OR5A2: variants seen among roughly 807,000 people sequenced by gnomAD.
OR5A2 encodes the protein olfactory receptor 5A2.
For synonymous variants in OR5A2, 155 were observed against 151.1 expected (o/e 1.03, Z -0.19); for missense variants, 406 against 398.9 (o/e 1.02, Z -0.15).
Position 59,418,169 on chromosome 11 carries a change from T to A in OR5A2, c.*3810A>T, listed in dbSNP as rs1858179566. The A allele has an allele frequency of 6.6e-6, 1 of 152,130 alleles. No individual in the cohort carries two copies. The highest frequency in any genetic ancestry group is 2.4e-5 in the African/African-American group (1 of 41,452). 9.4% of individuals were successfully genotyped at this position (152,130 alleles called of 1,614,324 possible). A position where few individuals can be genotyped will look rare whatever the true frequency, so the allele number is the denominator to read the frequency against. On this transcript the variant is annotated 3_prime_UTR_variant, in exon 2 of 2. Transcript: ENST00000302040. ...CCCTTGCCCAGGGCCTCAGCCGATC[T>A]GGACCCTCTAGCTGGGTGTATCAGG... is the stretch of plus-strand genomic sequence containing the variant.
intron 1 of OR5A2, chr11:59,424,381 T>C (rs1858269097): frequency 6.6e-6 from 1 of 152,346 alleles, no homozygotes; most frequent in East Asian, 1.9e-4. Context: ...CACTCCAACC[T>C]GGTGACCGAG....
At position 59,416,972 on chromosome 11, in the gene OR5A2, T is replaced by C. The variant is rs1288712671; in HGVS notation, c.*5007A>G. On this transcript the variant is annotated 3_prime_UTR_variant, in exon 2 of 2. Coordinates refer to ENST00000302040, the MANE Select transcript of OR5A2 (RefSeq NM_001001954.2). ...TTCTTAAGATCAAAGCAACCCAGCC[T>C]CTTTTTGCATAAGAAAGATGTTTTA... 6.6e-6 allele frequency: 1 copy of C among 152,114 alleles called. No homozygotes were observed. Among genetic ancestry groups the C allele is most frequent in the East Asian group, 1.9e-4 (1 of 5,168 alleles). 9.4% of individuals were successfully genotyped at this position (152,114 alleles called of 1,614,324 possible).
At chr11:59,425,909 A>G (rs1209102953) in intron 1 of OR5A2, 2 of 152,352 alleles carry the variant, frequency 1.3e-5, no homozygotes, top group African/African-American at 2.4e-5. Flanking sequence ...AACAAAACAC[A>G]TAATATATAA....
rs770811588 is a variant in OR5A2 at position 59,421,616 on chromosome 11, TC to T, written c.*362del. 45 of 174,564 alleles carry T rather than the reference TC, an allele frequency of 2.6e-4. No individual in the cohort carries two copies. The highest frequency in any genetic ancestry group is 7.2e-4 in the Admixed American group (13 of 18,168). The allele number at this position is 174,564 out of a possible 1,614,324, so 10.8% of individuals were successfully genotyped here. ...GCAACTGTGTTTAGAAAAAACATCA[TC>T]CTCTTCAGGTCATTATACCATGTTG... On this transcript the variant is annotated 3_prime_UTR_variant, in exon 2 of 2. Coordinates refer to ENST00000302040, the MANE Select transcript of OR5A2 (RefSeq NM_001001954.2).
rs925238646 is a variant in OR5A2, at chr11:59,417,605, C to CTGTA, written c.*4373_*4374insTACA. 5 of 152,064 alleles carry CTGTA rather than the reference C, an allele frequency of 3.3e-5. No homozygotes were observed. Among genetic ancestry groups the CTGTA allele is most frequent in the African/African-American group, 1.2e-4 (5 of 41,438 alleles). 9.4% of individuals were successfully genotyped at this position (152,064 alleles called of 1,614,324 possible). On this transcript the variant is annotated 3_prime_UTR_variant, in exon 2 of 2. Coordinates refer to ENST00000302040, the MANE Select transcript of OR5A2 (RefSeq NM_001001954.2). ...CGTGCTGGCATACATGGCGTATCACCTTACATGCAAGATAGTCAGGTTGCC... is the reference window on the plus strand; with the variant it reads ...CGTGCTGGCATACATGGCGTATCACCTGTATTACATGCAAGATAGTCAGGTTGCC...
Position 59,422,427 on chromosome 11 carries a change from T to C in OR5A2, c.527A>G (p.Asn176Ser). 6.2e-7 allele frequency: 1 copy of C among 1,614,070 alleles called. No individual in the cohort carries two copies. The highest frequency in any genetic ancestry group is 8.5e-7 in the Non-Finnish European group (1 of 1,179,976). The change falls in exon 2 of 2, where the codon AAC becomes AGC. Residue 176 changes from asparagine to serine, a missense_variant. By Grantham distance (46) the Asn-to-Ser change is conservative. Coordinates refer to ENST00000302040, the MANE Select transcript of OR5A2 (RefSeq NM_001001954.2). ...QHDFCGPYMI[N>S]HFFCDLPPVL... ...TGGAGGGAGGTCACAGAAAAAGTGGTTGATCATATAGGGCCCACAGAAATC... is the reference window on the plus strand; with the variant it reads ...TGGAGGGAGGTCACAGAAAAAGTGGCTGATCATATAGGGCCCACAGAAATC...
rs749103414 is a variant in OR5A2 at position 59,422,620 on chromosome 11, C to T, written c.334G>A (p.Glu112Lys). 3 of 1,614,162 alleles carry T rather than the reference C, an allele frequency of 1.9e-6. No homozygotes were observed. The highest frequency in any genetic ancestry group is 2.5e-6 in the Non-Finnish European group (3 of 1,180,018). The stretch of plus-strand genomic sequence containing the variant: ...GCCATAGCTGCCAGGAGAAAGCATT[C>T]AGTCAGCCCCATCCCACAGAAGACA... ...YFVFCGMGLTECFLLAAMAYD... is the reference protein window; with the variant it reads ...YFVFCGMGLTKCFLLAAMAYD... The change falls in exon 2 of 2, where the codon GAA (glutamate) becomes AAA (lysine). Residue 112 changes from glutamate to lysine, a missense_variant. Transcript: ENST00000302040.
At chr11:59,424,495 G>A (rs901193872) in intron 1 of OR5A2, 6 of 152,260 alleles carry the variant, frequency 3.9e-5, no homozygotes, top group African/African-American at 1.4e-4. Flanking sequence ...GCTGAGGTGA[G>A]GGGGATCACT....
Position 59,420,243 on chromosome 11 carries a change from CA to C in OR5A2, c.*1735del, listed in dbSNP as rs1858206095. The C allele has an allele frequency of 6.6e-6, 1 of 152,050 alleles. No homozygotes were observed. Among genetic ancestry groups the C allele is most frequent in the Non-Finnish European group, 1.5e-5 (1 of 68,002 alleles). 9.4% of individuals were successfully genotyped at this position (152,050 alleles called of 1,614,324 possible). ...TAACTTGGATCAGGCTATGTACCTA[CA>C]AAATGGCAGAGATGAAATTAATAAT... On this transcript the variant is annotated 3_prime_UTR_variant, in exon 2 of 2. Coordinates refer to ENST00000302040, the MANE Select transcript of OR5A2 (RefSeq NM_001001954.2).
rs1474614125 is a variant in OR5A2, at chr11:59,418,644, C to T, written c.*3335G>A. 1 of 152,046 alleles carries T rather than the reference C, an allele frequency of 6.6e-6. No individual in the cohort carries two copies. Among genetic ancestry groups the T allele is most frequent in the Non-Finnish European group, 1.5e-5 (1 of 68,002 alleles). 9.4% of individuals were successfully genotyped at this position (152,046 alleles called of 1,614,324 possible). The stretch of plus-strand genomic sequence containing the variant: ...TGTTTAGGAAATATTTAACATGTGG[C>T]TTACTGTATACCCCCAAACATTCAA... On this transcript the variant is annotated 3_prime_UTR_variant, in exon 2 of 2. Coordinates refer to ENST00000302040, the MANE Select transcript of OR5A2 (RefSeq NM_001001954.2).
Position 59,417,233 on chromosome 11 carries a change from G to C in OR5A2, c.*4746C>G, listed in dbSNP as rs1363370608. 1 of 152,006 alleles carries C rather than the reference G, an allele frequency of 6.6e-6. No homozygotes were observed. Among genetic ancestry groups the C allele is most frequent in the Non-Finnish European group, 1.5e-5 (1 of 67,974 alleles). 9.4% of individuals were successfully genotyped at this position (152,006 alleles called of 1,614,324 possible). A position where few individuals can be genotyped will look rare whatever the true frequency, so the allele number is the denominator to read the frequency against. On this transcript the variant is annotated 3_prime_UTR_variant, in exon 2 of 2. Transcript: ENST00000302040. ...AGTGTGCGGTTAGTCTCTTCAACTA[G>C]ATACTGCCAGCCATTTGGTCTGGCA...
rs749849431 is a variant in OR5A2, at chr11:59,422,864, C to T, written c.90G>A (p.Met30Ile). The T allele has an allele frequency of 6.8e-6, 11 of 1,614,120 alleles. No homozygotes were observed. In the South Asian group the frequency reaches 1.1e-4, roughly 16 times the overall value. ...TCAGGAGGTAGAGCCCCAGAAATAACATGAAAAGGAAAATCTTCATTTGAG... is the reference window on the plus strand; with the variant it reads ...TCAGGAGGTAGAGCCCCAGAAATAATATGAAAAGGAAAATCTTCATTTGAG... ...DHPQMKIFLF[M>I]LFLGLYLLTL... is the part of the protein sequence containing the mutation. Residue 30 changes from methionine (M) to isoleucine (I), a missense_variant, in exon 2 of 2, where the codon ATG becomes ATA. Physicochemically the swap from Met to Ile is conservative, Grantham distance 10 (BLOSUM62 1). Coordinates refer to ENST00000302040, the MANE Select transcript of OR5A2 (RefSeq NM_001001954.2).
Position 59,422,444 on chromosome 11 carries a change from A to C in OR5A2, c.510T>G (p.Cys170Trp). 1 of 1,614,222 alleles carries C rather than the reference A, an allele frequency of 6.2e-7. No individual in the cohort carries two copies. The highest frequency in any genetic ancestry group is 1.7e-5 in the Admixed American group (1 of 60,028). The change falls in exon 2 of 2, where the codon TGT becomes TGG. Residue 170 changes from cysteine (C) to tryptophan (W), a missense_variant. By Grantham distance (215) the Cys-to-Trp change is radical. Transcript: ENST00000302040. ...AAAAGTGGTTGATCATATAGGGCCCACAGAAATCATGCTGATAGACAGAGT... is the reference window on the plus strand; with the variant it reads ...AAAAGTGGTTGATCATATAGGGCCCCCAGAAATCATGCTGATAGACAGAGT... ...ETYSVYQHDFCGPYMINHFFC... is the reference protein window; with the variant it reads ...ETYSVYQHDFWGPYMINHFFC...
Position 59,418,453 on chromosome 11 carries a change from T to A in OR5A2, c.*3526A>T, listed in dbSNP as rs1858183447. 6.6e-6 allele frequency: 1 copy of A among 152,120 alleles called. No individual in the cohort carries two copies. Among genetic ancestry groups the A allele is most frequent in the Non-Finnish European group, 1.5e-5 (1 of 68,006 alleles). 9.4% of individuals were successfully genotyped at this position (152,120 alleles called of 1,614,324 possible). ...GCAAACATGAGTGCCACACCCTAGA[T>A]GATGGTAATTTTACTAAAGTGAATT... is the stretch of plus-strand genomic sequence containing the variant. On this transcript the variant is annotated 3_prime_UTR_variant, in exon 2 of 2. Transcript: ENST00000302040.
Position 59,426,402 on chromosome 11 carries a change from G to A in OR5A2, c.-323C>T, listed in dbSNP as rs1363287662. ...AAGTCTTCCAAATAAATGGGCTGTG[G>A]GAGTTCATTATTTTAATGGGCAGAG... is the stretch of plus-strand genomic sequence containing the variant. On this transcript the variant is annotated 5_prime_UTR_variant, in exon 1 of 2. Coordinates refer to ENST00000302040, the MANE Select transcript of OR5A2 (RefSeq NM_001001954.2). 1 of 152,174 alleles carries A rather than the reference G, an allele frequency of 6.6e-6. No homozygotes were observed. The highest frequency in any genetic ancestry group is 1.5e-5 in the Non-Finnish European group (1 of 68,042). The allele number at this position is 152,174 out of a possible 1,614,324, so 9.4% of individuals were successfully genotyped here. A position where few individuals can be genotyped will look rare whatever the true frequency, so the allele number is the denominator to read the frequency against.
rs752805070 is a variant in OR5A2, at chr11:59,422,718, G to A, written c.236C>T (p.Ala79Val). The change falls in exon 2 of 2, where the codon GCC becomes GTC. Residue 79 changes from alanine (A) to valine (V), a missense_variant. Ala to Val is a moderately conservative substitution (Grantham distance 64). Coordinates refer to ENST00000302040, the MANE Select transcript of OR5A2 (RefSeq NM_001001954.2). ...FLDICYVSSTAPKMLSDIITE... is the reference protein window; with the variant it reads ...FLDICYVSSTVPKMLSDIITE... ...GATGATGTCAGACAGCATCTTAGGG[G>A]CGGTGGAGGACACATAGCAGATGTC... The A allele has an allele frequency of 1.2e-6, 2 of 1,614,046 alleles. No homozygotes were observed. Among genetic ancestry groups the A allele is most frequent in the African/African-American group, 2.7e-5 (2 of 74,918 alleles).
chr11:59,424,615 T>A (rs1362979976), intron 1 of OR5A2: 4 of 152,138 alleles, frequency 2.6e-5, no homozygotes, highest in Non-Finnish European at 4.4e-5. Context: ...GAAATTTTTT[T>A]TAAAAATTAG....
intron 1 of OR5A2, 54 bp downstream of exon 1, chr11:59,426,117 T>C (rs1213292287): frequency 2.0e-5 from 3 of 152,178 alleles, no homozygotes; most frequent in Non-Finnish European, 4.4e-5. Context: ...TGTAAATGCA[T>C]AGTTGTGATT....
In OR5A2 at chr11:59,419,274, T is replaced by G. The variant is rs1388642916; in HGVS notation, c.*2705A>C. 1.3e-5 allele frequency: 2 copies of G among 152,174 alleles called. No homozygotes were observed. Among genetic ancestry groups the G allele is most frequent in the South Asian group, 4.1e-4 (2 of 4,836 alleles). 9.4% of individuals were successfully genotyped at this position (152,174 alleles called of 1,614,324 possible). A position where few individuals can be genotyped will look rare whatever the true frequency, so the allele number is the denominator to read the frequency against. ...ATTTCTTTGGTCTCTTTTTAACACA[T>G]TACCCGGATTTTCCTTGACTTATAT... On this transcript the variant is annotated 3_prime_UTR_variant, in exon 2 of 2. Transcript: ENST00000302040.
Sources: allele counts gnomAD v4.1 joint callset, GRCh38; gene constraint gnomAD v4.1.1; transcripts MANE v1.5; gene names NCBI Gene and HGNC (gene_info 2026-07-23, HGNC 2026-07-21).